The following TMEM87A variants were observed in gnomAD, a reference collection of about 807,000 sequenced individuals.
TMEM87A encodes the protein transmembrane protein 87A.
In TMEM87A, 50 loss-of-function variants were observed where a neutral mutation model predicts 90.0. That is an observed-to-expected ratio of 0.56 (90% CI 0.44 to 0.70). TMEM87A has a LOEUF of 0.70. TMEM87A is among the 30% of genes least tolerant of loss of function. TMEM87A has a pLI of 0.00. For missense variants in TMEM87A, 577 were observed against 660.5 expected (o/e 0.87, Z 1.39); for synonymous variants, 226 against 226.7 (o/e 1.00, Z 0.03).
rs2050284644 is a variant in TMEM87A, at chr15:42,211,455, C to CA, written c.*252dup. 2.5e-6 allele frequency: 1 copy of CA among 397,104 alleles called. No homozygotes were observed. The highest frequency in any genetic ancestry group is 2.0e-5 in the African/African-American group (1 of 48,918). 24.6% of individuals were successfully genotyped at this position (397,104 alleles called of 1,614,324 possible). A position where few individuals can be genotyped will look rare whatever the true frequency, so the allele number is the denominator to read the frequency against. On this transcript the variant is annotated 3_prime_UTR_variant, in exon 20 of 20. Coordinates refer to ENST00000389834, the MANE Select transcript of TMEM87A (RefSeq NM_015497.5). ...ACTTAAGTTGCATGAACATCCATGT[C>CA]AGAGTCTGGGAGGAAAGGGGGCAGC...
intron 6 of TMEM87A, among the ~76,000 whole-genome samples, chr15:42,255,323 GT>G (rs2051157430): frequency 6.6e-6 from 1 of 152,112 alleles, no homozygotes. Context: ...AGTAGAAATG[GT>G]TTTCTCCACG....
At chr15:42,258,234 A>T in intron 6 of TMEM87A, 1 of 889,970 alleles carries the variant, frequency 1.1e-6, no homozygotes, top group Non-Finnish European at 1.3e-6. Flanking sequence ...AGCTACAAAA[A>T]AAAGTCATAT....
chr15:42,236,367 C>T lies in TMEM87A; in HGVS notation c.921G>A (p.Leu307=), dbSNP rs779958996. 13 of 1,614,140 alleles carry T rather than the reference C, an allele frequency of 8.1e-6. No individual in the cohort carries two copies. The highest frequency in any genetic ancestry group is 1.0e-5 in the Non-Finnish European group (12 of 1,179,994). The stretch of plus-strand genomic sequence containing the variant: ...TGACTATGATGACCAGGGTTCGAGC[C>T]AGTGAGCGTTTCACTGCTGAAAGCA... ...AELLSAVKRS[L]ARTLVIIVSL... The change falls in exon 10 of 20, where the codon CTG becomes CTA. Residue 307 remains leucine (L), a synonymous_variant. Coordinates refer to ENST00000389834, the MANE Select transcript of TMEM87A (RefSeq NM_015497.5).
At chr15:42,268,128 A>C in intron 2 of TMEM87A, 96 bp from the exon 3 acceptor site, 1 of 881,356 alleles carries the variant, frequency 1.1e-6, no homozygotes, top group Non-Finnish European at 1.8e-6. Context: ...TCGTACCCTA[A>C]ACTGAGATAC....
At chr15:42,225,213 TA>T (rs1319500263) in intron 15 of TMEM87A, among the ~76,000 whole-genome samples, 1 of 152,146 alleles carries the variant, frequency 6.6e-6, no homozygotes, top group Non-Finnish European at 1.5e-5. Context: ...GGTCTGGTTA[TA>T]AAATTAGTCA....
intron 7 of TMEM87A, among the ~76,000 whole-genome samples, chr15:42,241,044 A>G (rs561774798): frequency 6.6e-6 from 1 of 152,330 alleles, no homozygotes; most frequent in East Asian, 1.9e-4. Context: ...TCATTTACAT[A>G]TTGTCTACAG....
chr15:42,252,374 C>A (rs2051103389), intron 6 of TMEM87A, among the ~76,000 whole-genome samples: 1 of 152,204 alleles, frequency 6.6e-6, no homozygotes, highest in Non-Finnish European at 1.5e-5. Flanking sequence ...ATTTGGCCAT[C>A]TTGGAATCCA....
intron 6 of TMEM87A, among the ~76,000 whole-genome samples, chr15:42,245,256 G>A (rs1352893419): frequency 2.6e-5 from 4 of 152,126 alleles, no homozygotes; most frequent in Non-Finnish European, 5.9e-5. Flanking sequence ...AAAGTTATGG[G>A]TAATACATGT....
intron 15 of TMEM87A, among the ~76,000 whole-genome samples, chr15:42,221,267 G>GAC (rs879323752): frequency 0.052 from 180 of 3,494 alleles, 2 homozygotes; most frequent in Non-Finnish European, 0.33. Flanking sequence ...AGGAGAGACA[G>GAC]AGACAGAGAG....
At chr15:42,242,225 G>A (rs1483619262) in intron 7 of TMEM87A, among the ~76,000 whole-genome samples, 1 of 152,134 alleles carries the variant, frequency 6.6e-6, no homozygotes, top group African/African-American at 2.4e-5. Flanking sequence ...AGCAGGCTAT[G>A]GTAGTTGGAA....
chr15:42,237,910 A>G (rs1209581153), intron 8 of TMEM87A, among the ~76,000 whole-genome samples: 1 of 152,188 alleles, frequency 6.6e-6, no homozygotes, highest in Non-Finnish European at 1.5e-5. Context: ...GGAGCTTAAC[A>G]TTAACTAATA....
chr15:42,266,226 A>G (rs1293086239), intron 3 of TMEM87A, among the ~76,000 whole-genome samples: 2 of 152,296 alleles, frequency 1.3e-5, no homozygotes, highest in East Asian at 1.9e-4. Flanking sequence ...AGACAAAACT[A>G]TTTTCATGGC....
chr15:42,267,922 A>T, intron 3 of TMEM87A, 25 bp downstream of exon 3: 1 of 1,590,270 alleles, frequency 6.3e-7, no homozygotes, highest in Non-Finnish European at 8.6e-7. Context: ...GGTCCAAAAA[A>T]ACTCTGTAAT....
At chr15:42,238,229 T>C (rs1008940650) in intron 8 of TMEM87A, among the ~76,000 whole-genome samples, 2 of 151,728 alleles carry the variant, frequency 1.3e-5, no homozygotes, top group Non-Finnish European at 2.9e-5. Flanking sequence ...AGGTCATGAG[T>C]TCAAGGCCAG....
rs896548649 is a variant in TMEM87A at position 42,272,236 on chromosome 15, T to G, written c.145-113A>C. ...ACTTAACTTAAATCTTTATGGGACG[T>G]ACCCCTTAATCAGTTCATTCCCTTT... On this transcript the variant is annotated intron_variant, in intron 1 of 19. Transcript: ENST00000389834. 7.3e-6 allele frequency: 5 copies of G among 686,074 alleles called. No homozygotes were observed. In the African/African-American group the frequency reaches 9.2e-5, roughly 13 times the overall value. The allele number at this position is 686,074 out of a possible 1,614,324, so 42.5% of individuals were successfully genotyped here. A position where few individuals can be genotyped will look rare whatever the true frequency, so the allele number is the denominator to read the frequency against.
chr15:42,263,988 G>C, intron 4 of TMEM87A, 102 bp downstream of exon 4: 2 of 822,942 alleles, frequency 2.4e-6, no homozygotes, highest in Non-Finnish European at 4.0e-6. Context: ...ACTTACTTCT[G>C]CCAAAAGAAA....
chr15:42,255,976 C>T (rs1242192108), intron 6 of TMEM87A, among the ~76,000 whole-genome samples: 2 of 140,098 alleles, frequency 1.4e-5, no homozygotes, highest in African/African-American at 2.7e-5. Flanking sequence ...GATGAGGTTT[C>T]ACCATGTTTG....
intron 6 of TMEM87A, among the ~76,000 whole-genome samples, chr15:42,256,017 T>A (rs1238761871): frequency 1.3e-5 from 2 of 151,220 alleles, no homozygotes; most frequent in Non-Finnish European, 2.9e-5. Context: ...TGACATCAGG[T>A]GATCCACCCA....
chr15:42,241,970 G>A (rs966485201), intron 7 of TMEM87A, among the ~76,000 whole-genome samples: 1 of 151,494 alleles, frequency 6.6e-6, no homozygotes, highest in Non-Finnish European at 1.5e-5. Flanking sequence ...GGGAGGCTGA[G>A]GCAGCAGAAT....
Sources: allele counts gnomAD v4.1 joint callset (sites outside exome capture counted in the v4.1 genomes callset), GRCh38; gene constraint gnomAD v4.1.1; transcripts MANE v1.5; gene names NCBI Gene and HGNC (gene_info 2026-07-23, HGNC 2026-07-21).